Variants in IL12RB2 observed in about 807,000 individuals in gnomAD.
IL12RB2 encodes interleukin-12 receptor subunit beta-2.
A neutral mutation model predicts 89.4 loss-of-function variants in IL12RB2; 82 were observed. The ratio of observed to expected loss-of-function variants is 0.92; its 90% CI spans 0.77 to 1.10. The LOEUF is 1.10. IL12RB2 is among the 50% of genes least tolerant of loss of function. The pLI is 0.00. For synonymous variants in IL12RB2, 368 were observed against 370.1 expected (o/e 0.99, Z 0.07); for missense variants, 963 against 1,031.9 (o/e 0.93, Z 0.92).
intron 14 of IL12RB2, among the ~76,000 whole-genome samples, chr1:67,385,896 T>A (rs1665080206): frequency 6.6e-6 from 1 of 152,122 alleles, no homozygotes; most frequent in Non-Finnish European, 1.5e-5. Context: ...CATGTCACCA[T>A]TCGCATTTTA....
chr1:67,310,077 G>A (rs1293252376), intron 1 of IL12RB2, among the ~76,000 whole-genome samples: 12 of 151,528 alleles, frequency 7.9e-5, no homozygotes, highest in African/African-American at 2.7e-4. Flanking sequence ...CCAGCTACTC[G>A]GGAGGTTGAG....
At chr1:67,381,839 A>G (rs1329680189) in intron 14 of IL12RB2, among the ~76,000 whole-genome samples, 1 of 151,466 alleles carries the variant, frequency 6.6e-6, no homozygotes, top group Admixed American at 6.6e-5. Context: ...GACAAAAATT[A>G]GGTGGGAGCG....
intron 11 of IL12RB2, among the ~76,000 whole-genome samples, chr1:67,369,381 A>G (rs1376852979): frequency 1.3e-5 from 2 of 152,246 alleles, no homozygotes; most frequent in Non-Finnish European, 2.9e-5. Context: ...GGAAAACTAA[A>G]ACCCTGTGTG....
At chr1:67,385,266 C>T (rs1474362659) in intron 14 of IL12RB2, among the ~76,000 whole-genome samples, 1 of 152,206 alleles carries the variant, frequency 6.6e-6, no homozygotes, top group African/African-American at 2.4e-5. Flanking sequence ...GCAAACACAT[C>T]CTTCTTCACA....
Position 67,329,529 on chromosome 1 carries a change from A to T in IL12RB2, c.665-58A>T. The stretch of plus-strand genomic sequence containing the variant: ...CTCTTTATAGCTCATGCCAGTACAT[A>T]AGACAATTGCTGATCACAGATCCTG... On this transcript the variant is annotated intron_variant, in intron 6 of 16. Coordinates refer to ENST00000674203, the MANE Select transcript of IL12RB2 (RefSeq NM_001374259.2). 4 of 1,044,722 alleles carry T rather than the reference A, an allele frequency of 3.8e-6. No homozygotes were observed. The South Asian group carries it at 5.0e-5, about 13-fold the overall frequency. The allele number at this position is 1,044,722 out of a possible 1,614,324, so 64.7% of individuals were successfully genotyped here.
intron 9 of IL12RB2, 51 bp downstream of exon 9, chr1:67,338,754 A>AC (rs1397384651): frequency 3.5e-6 from 3 of 869,002 alleles, no homozygotes; most frequent in African/African-American, 3.3e-5. Context: ...CTGAAGGCAG[A>AC]AAAAGACCTA....
intron 13 of IL12RB2, among the ~76,000 whole-genome samples, chr1:67,379,465 G>A (rs957609141): frequency 4.5e-5 from 6 of 132,786 alleles, no homozygotes; most frequent in East Asian, 2.2e-4. Context: ...AGCCGAGATC[G>A]CATCACTGCT....
chr1:67,345,732 A>G (rs1023070709), intron 9 of IL12RB2, among the ~76,000 whole-genome samples: 3 of 152,204 alleles, frequency 2.0e-5, no homozygotes, highest in Non-Finnish European at 4.4e-5. Flanking sequence ...AGGCAGGCAC[A>G]GCATTTCCAA....
chr1:67,394,413 C>T (rs142536157), intron 16 of IL12RB2, among the ~76,000 whole-genome samples: 7 of 151,884 alleles, frequency 4.6e-5, no homozygotes, highest in African/African-American at 1.2e-4. Flanking sequence ...GCAGCAAGTT[C>T]GGAAAGGAAA....
chr1:67,364,909 C>T (rs1419048154), intron 10 of IL12RB2, among the ~76,000 whole-genome samples: 1 of 152,162 alleles, frequency 6.6e-6, no homozygotes, highest in Non-Finnish European at 1.5e-5. Flanking sequence ...TATTCTGGGT[C>T]ATAAAATACA....
chr1:67,309,786 A>G (rs188006721), intron 1 of IL12RB2, among the ~76,000 whole-genome samples: 1 of 152,266 alleles, frequency 6.6e-6, no homozygotes, highest in Admixed American at 6.5e-5. Flanking sequence ...TTGTGGACTT[A>G]TTTTTGTATT....
At chr1:67,323,154 A>C (rs1447035357) in intron 4 of IL12RB2, among the ~76,000 whole-genome samples, 1 of 152,134 alleles carries the variant, frequency 6.6e-6, no homozygotes, top group Non-Finnish European at 1.5e-5. Context: ...ATATATATAT[A>C]GTTGGTGCCA....
intron 2 of IL12RB2, among the ~76,000 whole-genome samples, chr1:67,318,855 C>A (rs530731782): frequency 6.6e-6 from 1 of 151,294 alleles, no homozygotes; most frequent in Non-Finnish European, 1.5e-5. Context: ...GCTAGGGGAC[C>A]AGGTGAAATC....
chr1:67,364,643 C>A (rs894115905), intron 10 of IL12RB2, among the ~76,000 whole-genome samples: 24 of 152,148 alleles, frequency 1.6e-4, no homozygotes, highest in Middle Eastern at 6.8e-3. Flanking sequence ...AATGCATGAG[C>A]CAAAAACCAA....
chr1:67,347,288 A>T (rs1476039361), intron 9 of IL12RB2, among the ~76,000 whole-genome samples: 1 of 152,258 alleles, frequency 6.6e-6, no homozygotes, highest in Non-Finnish European at 1.5e-5. Flanking sequence ...CTTCTTTGAT[A>T]CAGGCTAAGC....
chr1:67,334,756 G>C (rs1033874140), intron 8 of IL12RB2, among the ~76,000 whole-genome samples: 1 of 152,210 alleles, frequency 6.6e-6, no homozygotes. Flanking sequence ...TGGGATTACA[G>C]GCATGAGCCA....
intron 10 of IL12RB2, among the ~76,000 whole-genome samples, chr1:67,363,397 G>A (rs558330665): frequency 4.2e-4 from 64 of 150,612 alleles, no homozygotes; most frequent in African/African-American, 1.3e-3. Flanking sequence ...TGTATTTTTA[G>A]TAGAGACGGG....
intron 14 of IL12RB2, among the ~76,000 whole-genome samples, 200 bp from the exon 15 acceptor site, chr1:67,386,379 G>C (rs1197893680): frequency 2.6e-5 from 4 of 152,128 alleles, no homozygotes; most frequent in African/African-American, 7.2e-5. Flanking sequence ...TGTAGGGCCA[G>C]AGCTCCTCTT....
intron 10 of IL12RB2, among the ~76,000 whole-genome samples, chr1:67,366,452 C>CAAAAAAAAAAAAAAAAAAAA (rs11329710): frequency 1.9e-5 from 1 of 53,406 alleles, no homozygotes; most frequent in Non-Finnish European, 3.7e-5. Context: ...GACTCCATCT[C>CAAAAAAAAAAAAAAAAAAAA]AAAAAAAAAA....
Sources: gnomAD v4.1 joint callset for allele counts (sites outside exome capture counted in the v4.1 genomes callset) on GRCh38, gnomAD v4.1.1 for gene constraint, MANE v1.5 for transcripts, NCBI Gene and HGNC (gene_info 2026-07-23, HGNC 2026-07-21) for gene names.